Variants in DPH6 observed in about 807,000 individuals in gnomAD.
DPH6 encodes the protein diphthamine biosynthesis 6.
A neutral mutation model predicts 38.2 loss-of-function variants in DPH6; 33 were observed. The observed-to-expected ratio is 0.86, with a 90% CI of 0.65 to 1.15. The LOEUF (loss-of-function observed/expected upper bound fraction) is 1.15, where lower values mean the gene tolerates loss of function less well. Ranked by LOEUF, DPH6 falls within the 50% of genes most tolerant of loss-of-function variation. The pLI is 0.00. For missense variants in DPH6, 325 were observed against 320.0 expected, an observed-to-expected ratio of 1.02 and a Z score of -0.12; for synonymous variants, 108 against 103.0, an observed-to-expected ratio of 1.05 and a Z score of -0.30.
chr15:35,204,295 A>G, the DPH6 span, among the ~76,000 whole-genome samples: 1 of 151,816 alleles, frequency 6.6e-6, no homozygotes, highest in African/African-American at 2.4e-5. Flanking sequence ...ATTAAAGCAA[A>G]GTCCAAATAA....
At chr15:35,426,811 G>T (rs971629977) in intron 5 of DPH6, among the ~76,000 whole-genome samples, 6 of 150,396 alleles carry the variant, frequency 4.0e-5, no homozygotes, top group Non-Finnish European at 5.9e-5. Context: ...GGCCATGAGA[G>T]ATATATATAC....
In DPH6 at chr15:35,410,691, T is replaced by C. The variant is rs879206826; in HGVS notation, c.567+144A>G. Reference sequence around the variant, plus strand: ...TAATTTTAAACATTTTCATTTCCATTTGAAGTTTAATTTTTTCATAAATAT... The same window carrying C: ...TAATTTTAAACATTTTCATTTCCATCTGAAGTTTAATTTTTTCATAAATAT... On this transcript the variant is annotated intron_variant, in intron 6 of 8. Coordinates refer to ENST00000256538, the MANE Select transcript of DPH6 (RefSeq NM_080650.4). 2.4e-5 allele frequency: 15 copies of C among 638,208 alleles called. No individual in the cohort carries two copies. In the South Asian group the frequency reaches 3.8e-4, roughly 16 times the overall value. 39.5% of individuals were successfully genotyped at this position (638,208 alleles called of 1,614,324 possible).
intron 3 of DPH6, among the ~76,000 whole-genome samples, chr15:35,290,381 T>C (rs1259187809): frequency 2.0e-5 from 3 of 152,190 alleles, no homozygotes; most frequent in Non-Finnish European, 4.4e-5. Flanking sequence ...CTTGTTGACA[T>C]GAACCAGGGC....
At chr15:35,221,647 T>A (rs909287539) in intron 3 of DPH6, among the ~76,000 whole-genome samples, 1 of 152,142 alleles carries the variant, frequency 6.6e-6, no homozygotes, top group African/African-American at 2.4e-5. Flanking sequence ...TTTGGGTTGT[T>A]CTCCCATTGT....
chr15:35,240,538 C>G (rs1258387676), intron 3 of DPH6, among the ~76,000 whole-genome samples: 2 of 143,690 alleles, frequency 1.4e-5, no homozygotes, highest in East Asian at 4.3e-4. Context: ...CCTCCTCACA[C>G]CTGGTCTGGC....
At chr15:35,381,701 T>A in intron 7 of DPH6, 121 bp downstream of exon 7, 2 of 741,426 alleles carry the variant, frequency 2.7e-6, no homozygotes, top group South Asian at 3.2e-5. Flanking sequence ...AAATTGAGTG[T>A]TTGTGAACTT....
chr15:35,404,505 T>C (rs2053264188), intron 6 of DPH6, among the ~76,000 whole-genome samples: 2 of 152,216 alleles, frequency 1.3e-5, no homozygotes, highest in African/African-American at 4.8e-5. Flanking sequence ...CTATGTCTGT[T>C]TGACACTTGT....
intron 5 of DPH6, among the ~76,000 whole-genome samples, chr15:35,434,183 G>C (rs2053667023): frequency 6.6e-6 from 1 of 152,082 alleles, no homozygotes; most frequent in Non-Finnish European, 1.5e-5. Flanking sequence ...ATCTCTGGGA[G>C]GTAAGGATAC....
At chr15:35,234,598 C>T (rs2051539296) in intron 3 of DPH6, among the ~76,000 whole-genome samples, 1 of 152,220 alleles carries the variant, frequency 6.6e-6, no homozygotes, top group Non-Finnish European at 1.5e-5. Context: ...CAAACTATGA[C>T]ATTTGAATAA....
chr15:35,496,567 A>AAATATATATATAT, intron 3 of DPH6, among the ~76,000 whole-genome samples: 2 of 31,014 alleles, frequency 6.4e-5, no homozygotes, highest in South Asian at 2.9e-3. Flanking sequence ...AAAAAAAAAA[A>AAATATATATATAT]ATATATATAT....
chr15:35,453,652 TTC>T (rs1407745518), intron 4 of DPH6, among the ~76,000 whole-genome samples: 1 of 152,144 alleles, frequency 6.6e-6, no homozygotes, highest in Admixed American at 6.5e-5. Flanking sequence ...CGTCCAGAGA[TTC>T]TGATACACCT....
chr15:35,353,199 A>G (rs572077196), intron 3 of DPH6, among the ~76,000 whole-genome samples: 4,828 of 152,140 alleles, frequency 0.032, 230 homozygotes, highest in African/African-American at 0.11. Context: ...AGATGAGTAG[A>G]TTGCAAAAAT....
rs1200091335 is a variant in DPH6 at position 35,538,452 on chromosome 15, A to G, written c.134T>C (p.Leu45Pro). 1 of 1,548,394 alleles carries G rather than the reference A, an allele frequency of 6.5e-7. No individual in the cohort carries two copies. The highest frequency in any genetic ancestry group is 1.2e-5 in the South Asian group (1 of 83,234). ...PAENQVGSDELDSYMYQTVGH... is the reference protein window; with the variant it reads ...PAENQVGSDEPDSYMYQTVGH... ...CACTGTCTGATACATGTAGCTATCC[A>G]GTTCATCAGACCCCACTGCAACAAT... Residue 45 changes from leucine to proline, a missense_variant, in exon 3 of 9, where the codon CTG becomes CCG. Coordinates refer to ENST00000256538, the MANE Select transcript of DPH6 (RefSeq NM_080650.4).
Position 35,373,609 on chromosome 15 carries a change from C to T in DPH6, c.663-1G>A. 1 of 1,603,202 alleles carries T rather than the reference C, an allele frequency of 6.2e-7. No individual in the cohort carries two copies. Among genetic ancestry groups the T allele is most frequent in the South Asian group, 1.1e-5 (1 of 89,074 alleles). On this transcript the variant is annotated splice_acceptor_variant, in intron 7 of 8. Transcript: ENST00000256538. LOFTEE classifies it high-confidence loss of function. ...ATGTATGACTACTTCTGATGAATCCCTGAAATACAAAAATTTTACAATACA... is the reference window on the plus strand; with the variant it reads ...ATGTATGACTACTTCTGATGAATCCTTGAAATACAAAAATTTTACAATACA...
Position 35,410,901 on chromosome 15 carries a change from C to G in DPH6, c.506-5G>C. On this transcript the variant is annotated splice_polypyrimidine_tract_variant and splice_region_variant and intron_variant, in intron 5 of 8. Coordinates refer to ENST00000256538, the MANE Select transcript of DPH6 (RefSeq NM_080650.4). ...GATGCTTATCAGGATCTAAACCTGC[C>G]AAGAAAGGTTACATTTTTTAAAGAT... 1 of 1,601,108 alleles carries G rather than the reference C, an allele frequency of 6.2e-7. No homozygotes were observed. The highest frequency in any genetic ancestry group is 1.1e-5 in the South Asian group (1 of 89,532).
chr15:35,276,507 C>T lies in DPH6; in HGVS notation n.201-55925G>A, dbSNP rs369026433. 1.4e-4 allele frequency among the ~76,000 whole-genome samples: 22 copies of T among 152,260 alleles called. 4 individuals are homozygous for T. The highest frequency in any genetic ancestry group is 7.7e-4 in the East Asian group (4 of 5,180). On this transcript the variant is annotated intron_variant and non_coding_transcript_variant, in intron 3 of 3. Transcript: ENST00000560386. ...GGGTACTTGGTCAAAAAATCCTTGC[C>T]TAAGCCAATGTCTAGAAGGGTTTTT...
rs137903187 is a variant in DPH6 at position 35,281,078 on chromosome 15, A to G, written n.201-60496T>C. 3.7e-3 allele frequency among the ~76,000 whole-genome samples: 568 copies of G among 152,156 alleles called. 3 individuals are homozygous for G. The highest frequency in any genetic ancestry group is 6.8e-3 in the Middle Eastern group (2 of 294). On this transcript the variant is annotated intron_variant and non_coding_transcript_variant, in intron 3 of 3. Transcript: ENST00000560386. ...ATTAACTTGTCATTTAGCATTAGGT[A>G]TATCTCCTAATGCTATCTCTCCCCC...
chr15:35,476,287 A>G (rs1242612654), intron 3 of DPH6, among the ~76,000 whole-genome samples: 3 of 151,798 alleles, frequency 2.0e-5, no homozygotes. Context: ...ACTTCTTTGC[A>G]TGCCTATTTT....
chr15:35,276,617 G>T (rs1056177635), intron 3 of DPH6, among the ~76,000 whole-genome samples: 1 of 152,210 alleles, frequency 6.6e-6, no homozygotes, highest in Non-Finnish European at 1.5e-5. Flanking sequence ...TGTATAAGGT[G>T]AAAGATGAGG....
Sources: allele counts gnomAD v4.1 joint callset (sites outside exome capture counted in the v4.1 genomes callset), GRCh38; gene constraint gnomAD v4.1.1; transcripts MANE v1.5; gene names NCBI Gene and HGNC (gene_info 2026-07-23, HGNC 2026-07-21).